PARD3B: variants seen among roughly 807,000 people sequenced by gnomAD.
PARD3B encodes the protein partitioning defective 3 homolog B.
In PARD3B, 103 loss-of-function variants were observed where a neutral mutation model predicts 130.2. The ratio of observed to expected loss-of-function variants is 0.79; its 90% confidence interval spans 0.67 to 0.93. PARD3B has a LOEUF of 0.93. Among genes scored for constraint, PARD3B ranks in the 40% least tolerant of loss-of-function variants. The probability of loss-of-function intolerance (pLI) is 0.00; values close to 1 mark genes in which losing one functional copy is unlikely to be tolerated. For missense variants in PARD3B, 1,609 were observed against 1,499.2 expected (o/e 1.07, Z -1.21); for synonymous variants, 583 against 553.2 (o/e 1.05, Z -0.76).
intron 10 of PARD3B, among the ~76,000 whole-genome samples, chr2:205,154,901 G>A (rs1326647396): frequency 1.3e-5 from 2 of 152,116 alleles, no homozygotes; most frequent in African/African-American, 4.8e-5. Context: ...TTGTGGGGTG[G>A]GGGCCTGGGG....
At chr2:204,672,763 C>A (rs950190031) in intron 1 of PARD3B, among the ~76,000 whole-genome samples, 7 of 152,256 alleles carry the variant, frequency 4.6e-5, no homozygotes, top group Admixed American at 1.3e-4. Flanking sequence ...TGATTTTATT[C>A]TTTCCCAAGC....
At chr2:205,150,327 G>T (rs35762890) in intron 10 of PARD3B, among the ~76,000 whole-genome samples, 1 of 150,956 alleles carries the variant, frequency 6.6e-6, no homozygotes, top group African/African-American at 2.4e-5. Context: ...CCGAGGTCTA[G>T]ATGTGCCACT....
chr2:204,764,988 A>G (rs1031850819), intron 2 of PARD3B, among the ~76,000 whole-genome samples: 2 of 152,132 alleles, frequency 1.3e-5, no homozygotes, highest in African/African-American at 4.8e-5. Flanking sequence ...AGAGAAGGGA[A>G]GGAACAAATT....
At chr2:205,308,968 A>G (rs775772596) in intron 18 of PARD3B, among the ~76,000 whole-genome samples, 6 of 152,252 alleles carry the variant, frequency 3.9e-5, no homozygotes, top group Non-Finnish European at 8.8e-5. Flanking sequence ...AATAGAGTGC[A>G]CACTGCACAC....
At chr2:205,372,333 C>A (rs1464723183) in intron 18 of PARD3B, among the ~76,000 whole-genome samples, 2 of 152,112 alleles carry the variant, frequency 1.3e-5, no homozygotes, top group African/African-American at 2.4e-5. Flanking sequence ...CTTATCTATC[C>A]TTGTTATTAT....
intron 10 of PARD3B, among the ~76,000 whole-genome samples, chr2:205,130,995 A>C (rs183603248): frequency 2.6e-5 from 4 of 152,024 alleles, no homozygotes; most frequent in Non-Finnish European, 5.9e-5. Context: ...TGTGGTTCCA[A>C]CTCTTTCTTA....
chr2:205,393,873 G>A (rs1373125917), intron 18 of PARD3B, among the ~76,000 whole-genome samples: 1 of 152,110 alleles, frequency 6.6e-6, no homozygotes, highest in African/African-American at 2.4e-5. Flanking sequence ...GGGAGTCTAG[G>A]AGGAATTTGA....
intron 2 of PARD3B, among the ~76,000 whole-genome samples, chr2:204,858,353 A>T (rs984618981): frequency 6.6e-5 from 10 of 152,072 alleles, no homozygotes; most frequent in African/African-American, 2.2e-4. Flanking sequence ...TGGTGTGTAT[A>T]CACAATAGAA....
intron 2 of PARD3B, among the ~76,000 whole-genome samples, chr2:204,704,285 T>G (rs75103030): frequency 0.044 from 6,624 of 152,234 alleles, 399 homozygotes; most frequent in East Asian, 0.14. Context: ...CTTGGAATCT[T>G]TAAAGGTTTT....
rs934073731 is a variant in PARD3B, at chr2:205,397,967, G to C, written c.2631-3046G>C. Among the ~76,000 whole-genome samples, 1 of 152,128 alleles carries C rather than the reference G, an allele frequency of 6.6e-6. No homozygotes were observed. Among genetic ancestry groups the C allele is most frequent in the East Asian group, 1.9e-4 (1 of 5,192 alleles). ...CTCCTGCTTTGTAGGTTAAGGAGAA[G>C]TCTTGAATGTATCAGGCAAATCTGA... On this transcript the variant is annotated intron_variant, in intron 18 of 22. Coordinates refer to ENST00000406610, the MANE Select transcript of PARD3B (RefSeq NM_001302769.2). This position sits in a 1 kb window ranked among gnomAD's most constrained non-coding sequence, Gnocchi z 4.8.
At chr2:204,955,583 C>G (rs1439188765) in intron 2 of PARD3B, among the ~76,000 whole-genome samples, 2 of 152,136 alleles carry the variant, frequency 1.3e-5, no homozygotes, top group East Asian at 3.8e-4. Flanking sequence ...AATTTTTTCC[C>G]ATGTGCCAAG....
chr2:205,196,473 C>A (rs2036688007), intron 15 of PARD3B, among the ~76,000 whole-genome samples: 1 of 151,778 alleles, frequency 6.6e-6, no homozygotes, highest in Admixed American at 6.6e-5. Context: ...TTTTTGCAAC[C>A]CATTATTTGT....
intron 2 of PARD3B, among the ~76,000 whole-genome samples, chr2:204,835,885 G>T (rs919630172): frequency 2.0e-5 from 3 of 152,194 alleles, no homozygotes; most frequent in Non-Finnish European, 4.4e-5. Flanking sequence ...GGCTAGGCTA[G>T]GCTAAGCTAT....
intron 3 of PARD3B, among the ~76,000 whole-genome samples, chr2:204,977,233 CA>C (rs1692254355): frequency 6.6e-6 from 1 of 152,128 alleles, no homozygotes; most frequent in Non-Finnish European, 1.5e-5. Context: ...ATCTTCAACT[CA>C]AGTATTTACT....
chr2:204,737,941 A>G (rs762377759), intron 2 of PARD3B, among the ~76,000 whole-genome samples: 18 of 152,124 alleles, frequency 1.2e-4, no homozygotes, highest in Non-Finnish European at 2.4e-4. Flanking sequence ...CTACTTTTAT[A>G]CCAGTACCAT....
At chr2:204,585,598 C>A (rs185073606) in intron 1 of PARD3B, among the ~76,000 whole-genome samples, 258 of 151,770 alleles carry the variant, frequency 1.7e-3, no homozygotes, top group African/African-American at 6.1e-3. Flanking sequence ...CCTTCCTTGG[C>A]CTCCCAAAGT....
intron 2 of PARD3B, among the ~76,000 whole-genome samples, chr2:204,766,106 A>G (rs952846729): frequency 2.0e-5 from 3 of 152,150 alleles, no homozygotes; most frequent in Non-Finnish European, 2.9e-5. Flanking sequence ...GCAATTCTAT[A>G]TATTTTGTTT....
chr2:205,006,453 A>T (rs961529239), intron 3 of PARD3B, among the ~76,000 whole-genome samples: 1 of 152,192 alleles, frequency 6.6e-6, no homozygotes, highest in Non-Finnish European at 1.5e-5. Context: ...CCTTTTCACT[A>T]TATCCACACC....
At chr2:204,559,430 A>T (rs1181901165) in intron 1 of PARD3B, among the ~76,000 whole-genome samples, 4 of 152,252 alleles carry the variant, frequency 2.6e-5, no homozygotes, top group Non-Finnish European at 5.9e-5. Context: ...CAACAGACAC[A>T]TGAAATAATG....
Sources: gnomAD v4.1 joint callset for allele counts (sites outside exome capture counted in the v4.1 genomes callset) on GRCh38, gnomAD v4.1.1 for gene constraint, Gnocchi (gnomAD v3.1) non-coding constraint, MANE v1.5 for transcripts, NCBI Gene and HGNC (gene_info 2026-07-23, HGNC 2026-07-21) for gene names.